PRKN: variants seen among roughly 807,000 people sequenced by gnomAD.
The protein encoded by PRKN is parkin RBR E3 ubiquitin protein ligase, also known as E3 ubiquitin-protein ligase parkin.
PRKN carries 56 observed loss-of-function variants against 59.5 expected under a neutral mutation model. The ratio of observed to expected loss-of-function variants is 0.94; its 90% confidence interval spans 0.76 to 1.18. The LOEUF is 1.18. PRKN is among the 50% of genes most tolerant of loss of function. PRKN has a pLI of 0.00. For missense variants in PRKN, 657 were observed against 596.4 expected, an observed-to-expected ratio of 1.10 and a Z score of -1.06; for synonymous variants, 250 against 222.1, an observed-to-expected ratio of 1.13 and a Z score of -1.12.
chr6:162,028,366 A>T (rs1291538982), intron 5 of PRKN, among the ~76,000 whole-genome samples: 1 of 152,284 alleles, frequency 6.6e-6, no homozygotes, highest in African/African-American at 2.4e-5. Flanking sequence ...GTTAACACAA[A>T]GTGAAAGCAA....
At position 162,506,655 on chromosome 6, in the gene PRKN, G is replaced by C. The variant is rs545481551; in HGVS notation, c.8-63182C>G. Among the ~76,000 whole-genome samples, 10 of 152,230 alleles carry C rather than the reference G, an allele frequency of 6.6e-5. 1 individual carries two copies. Among genetic ancestry groups the C allele is most frequent in the South Asian group, 2.1e-4 (1 of 4,824 alleles). ...ATGGAATCATGATCCCGGGTGAAAG[G>C]GTCAGCTTTGGGAAAGATGAGGAAT... On this transcript the variant is annotated intron_variant, in intron 1 of 11. Transcript: ENST00000366898.
intron 6 of PRKN, among the ~76,000 whole-genome samples, chr6:161,875,556 GC>G (rs1794703808): frequency 6.6e-6 from 1 of 152,100 alleles, no homozygotes; most frequent in South Asian, 2.1e-4. Context: ...TGGGCTAGGA[GC>G]TCTGCTCAAC....
At chr6:162,475,507 G>A (rs1164942176) in intron 1 of PRKN, among the ~76,000 whole-genome samples, 1 of 152,222 alleles carries the variant, frequency 6.6e-6, no homozygotes, top group Non-Finnish European at 1.5e-5. Flanking sequence ...TGAGAAGATA[G>A]AGACGTAAGA....
rs75911509 is a variant in PRKN, at chr6:162,537,510, C to T, written c.8-94037G>A. ...TAGGCCCACAGTTTCCTCCCTGCAG[C>T]CTGGGGGATCTCTCCACAGTGCACG... On this transcript the variant is annotated intron_variant, in intron 1 of 11. Transcript: ENST00000366898. Among the ~76,000 whole-genome samples, 1,403 of 152,274 alleles carry T rather than the reference C, an allele frequency of 9.2e-3. 19 individuals are homozygous for T. Among genetic ancestry groups the T allele is most frequent in the African/African-American group, 0.032 (1,322 of 41,552 alleles).
chr6:162,176,121 C>A (rs1157992195), intron 4 of PRKN, among the ~76,000 whole-genome samples: 1 of 152,098 alleles, frequency 6.6e-6, no homozygotes, highest in Admixed American at 6.6e-5. Flanking sequence ...GAGCTTGGGG[C>A]ACATGACTAA....
At chr6:162,235,561 A>C (rs1296586317) in intron 3 of PRKN, among the ~76,000 whole-genome samples, 1 of 152,164 alleles carries the variant, frequency 6.6e-6, no homozygotes, top group African/African-American at 2.4e-5. Context: ...TAATCCCAGC[A>C]CTTTGGGAGG....
At chr6:162,336,409 C>G (rs897238373) in intron 2 of PRKN, among the ~76,000 whole-genome samples, 24 of 152,152 alleles carry the variant, frequency 1.6e-4, no homozygotes, top group African/African-American at 5.6e-4. Flanking sequence ...CGTATCCACA[C>G]TTTACAATTT....
intron 9 of PRKN, among the ~76,000 whole-genome samples, chr6:161,450,220 C>G (rs1789667672): frequency 6.6e-6 from 1 of 152,148 alleles, no homozygotes; most frequent in Admixed American, 6.5e-5. Context: ...GCCCTGATTG[C>G]CACTGGCAAA....
At chr6:161,763,546 G>A (rs375259580) in intron 7 of PRKN, among the ~76,000 whole-genome samples, 27 of 152,186 alleles carry the variant, frequency 1.8e-4, no homozygotes, top group African/African-American at 6.3e-4. Flanking sequence ...CAGCGACCAC[G>A]TTGTAAGAGG....
At chr6:162,634,954 C>T (rs985533283) in intron 1 of PRKN, among the ~76,000 whole-genome samples, 1 of 152,204 alleles carries the variant, frequency 6.6e-6, no homozygotes, top group Non-Finnish European at 1.5e-5. Flanking sequence ...TAATATTAAA[C>T]ATTTATGTTC....
chr6:162,504,589 C>A (rs1793524458), intron 1 of PRKN, among the ~76,000 whole-genome samples: 4 of 151,950 alleles, frequency 2.6e-5, no homozygotes. Context: ...TAAATGAGAC[C>A]TAAATGTGAA....
intron 4 of PRKN, among the ~76,000 whole-genome samples, chr6:162,080,657 T>TA (rs1262908952): frequency 2.6e-5 from 4 of 152,158 alleles, no homozygotes; most frequent in Non-Finnish European, 5.9e-5. Flanking sequence ...TTTTTGCTAG[T>TA]GGCAGGTCTT....
intron 3 of PRKN, among the ~76,000 whole-genome samples, chr6:162,221,394 T>C (rs1310210594): frequency 1.3e-5 from 2 of 152,196 alleles, no homozygotes; most frequent in Non-Finnish European, 2.9e-5. Flanking sequence ...TTTACTGGAC[T>C]ATGAACAGTA....
intron 1 of PRKN, among the ~76,000 whole-genome samples, chr6:162,661,618 G>A (rs1778884875): frequency 1.3e-5 from 2 of 152,156 alleles, no homozygotes; most frequent in Admixed American, 1.3e-4. Context: ...TCTAACACTT[G>A]AAGGTTCCTG....
chr6:162,312,962 TTTTC>T (rs1426754086), intron 2 of PRKN, among the ~76,000 whole-genome samples: 1 of 152,120 alleles, frequency 6.6e-6, no homozygotes, highest in African/African-American at 2.4e-5. Flanking sequence ...ATTTGAAGGA[TTTTC>T]TTTAATCTAG....
At chr6:161,443,425 C>T (rs1365808180) in intron 9 of PRKN, among the ~76,000 whole-genome samples, 1 of 152,134 alleles carries the variant, frequency 6.6e-6, no homozygotes, top group African/African-American at 2.4e-5. Context: ...CGTGCATTGC[C>T]TAAATCAAGC....
At chr6:162,285,376 A>C (rs1781140611) in intron 2 of PRKN, among the ~76,000 whole-genome samples, 1 of 147,998 alleles carries the variant, frequency 6.8e-6, no homozygotes, top group Non-Finnish European at 1.5e-5. Flanking sequence ...CTTCATTTTA[A>C]TTAGGGGATG....
chr6:161,720,294 C>T (rs1787166523), intron 7 of PRKN, among the ~76,000 whole-genome samples: 1 of 152,190 alleles, frequency 6.6e-6, no homozygotes, highest in Non-Finnish European at 1.5e-5. Flanking sequence ...TGTGCATTAT[C>T]TCATAGCAGC....
At chr6:162,356,525 T>C (rs1294931726) in intron 2 of PRKN, among the ~76,000 whole-genome samples, 1 of 145,676 alleles carries the variant, frequency 6.9e-6, no homozygotes, top group Non-Finnish European at 1.5e-5. Context: ...AATAATCTAA[T>C]ATATAATACA....
Sources: allele counts gnomAD v4.1 joint callset (sites outside exome capture counted in the v4.1 genomes callset), GRCh38; gene constraint gnomAD v4.1.1; transcripts MANE v1.5; gene names NCBI Gene and HGNC (gene_info 2026-07-23, HGNC 2026-07-21).